Variants in UXS1 observed in about 807,000 individuals in gnomAD.
UXS1 encodes UDP-glucuronic acid decarboxylase 1.
UXS1 carries 33 observed loss-of-function variants against 62.6 expected under a neutral mutation model. That is an observed-to-expected ratio of 0.53 (90% CI 0.40 to 0.70). The LOEUF (loss-of-function observed/expected upper bound fraction) is 0.70. UXS1 is among the 30% of genes least tolerant of loss of function. The pLI is 0.00. For synonymous variants in UXS1, 213 were observed against 206.8 expected, an observed-to-expected ratio of 1.03 and a Z score of -0.26; for missense variants, 434 against 556.3, an observed-to-expected ratio of 0.78 and a Z score of 2.21.
chr2:106,096,183 G>GGT lies in UXS1; in HGVS notation c.1146+533_1146+534dup, dbSNP rs61524060. On this transcript the variant is annotated intron_variant, in intron 14 of 14. Coordinates refer to ENST00000283148, the MANE Select transcript of UXS1 (RefSeq NM_001253875.2). ...CCTTGGCACAGCGTTCACAGTCAGG[G>GGT]GTGTGTGTGTGTGTGTGTGTGTATG... Among the ~76,000 whole-genome samples the GGT allele has an allele frequency of 1.5e-3, 232 of 151,806 alleles. 1 individual carries two copies. The highest frequency in any genetic ancestry group is 4.9e-3 in the African/African-American group (204 of 41,462).
intron 6 of UXS1, among the ~76,000 whole-genome samples, chr2:106,136,420 C>T (rs1680642412): frequency 7.2e-6 from 1 of 139,368 alleles, no homozygotes; most frequent in South Asian, 2.5e-4. Context: ...GGGTATATAC[C>T]CAAATGACTA....
At chr2:106,097,265 C>T (rs1416061349) in intron 13 of UXS1, 3 of 453,418 alleles carry the variant, frequency 6.6e-6, no homozygotes, top group South Asian at 1.6e-5. Flanking sequence ...GGAGCCTAGA[C>T]AGCCCTGAGA....
chr2:106,143,063 T>A (rs1258760270), intron 6 of UXS1, among the ~76,000 whole-genome samples: 1 of 152,002 alleles, frequency 6.6e-6, no homozygotes, highest in African/African-American at 2.4e-5. Context: ...TTCTGGCTTC[T>A]CAGTGGTACT....
intron 1 of UXS1, among the ~76,000 whole-genome samples, chr2:106,168,930 G>C (rs1683373232): frequency 6.6e-6 from 1 of 152,110 alleles, no homozygotes. Context: ...GAGTTTAAAT[G>C]GTGACATGAG....
chr2:106,142,680 G>A (rs1681213736), intron 6 of UXS1, among the ~76,000 whole-genome samples: 2 of 152,316 alleles, frequency 1.3e-5, no homozygotes, highest in South Asian at 4.1e-4. Flanking sequence ...AGAGTGAAGA[G>A]ATGGAGGGCA....
intron 1 of UXS1, among the ~76,000 whole-genome samples, chr2:106,193,057 C>A (rs1685030791): frequency 6.6e-6 from 1 of 152,164 alleles, no homozygotes; most frequent in Admixed American, 6.5e-5. Context: ...TGAAACCTCC[C>A]CTAGCAACCC....
At chr2:106,172,139 G>A (rs2105080175) in intron 1 of UXS1, among the ~76,000 whole-genome samples, 1 of 152,386 alleles carries the variant, frequency 6.6e-6, no homozygotes, top group East Asian at 1.9e-4. Context: ...TGGGGTCTGT[G>A]ATGGAAATGC....
intron 1 of UXS1, among the ~76,000 whole-genome samples, chr2:106,191,552 CA>C (rs1684936494): frequency 6.6e-6 from 1 of 152,254 alleles, no homozygotes; most frequent in African/African-American, 2.4e-5. Context: ...TAAAATCAAC[CA>C]TGTCGTGGGC....
intron 10 of UXS1, among the ~76,000 whole-genome samples, chr2:106,105,879 G>A (rs1678021756): frequency 1.3e-5 from 2 of 152,128 alleles, no homozygotes; most frequent in Non-Finnish European, 2.9e-5. Flanking sequence ...TGGGAAGAAG[G>A]GACTGCCTTT....
chr2:106,139,031 C>T (rs755302284), intron 6 of UXS1: 8 of 295,756 alleles, frequency 2.7e-5, no homozygotes, highest in East Asian at 1.7e-4. Flanking sequence ...CAACCGGCTT[C>T]GGAATATAAA....
chr2:106,149,678 A>T (rs1379748196), intron 5 of UXS1, among the ~76,000 whole-genome samples: 1 of 152,238 alleles, frequency 6.6e-6, no homozygotes, highest in African/African-American at 2.4e-5. Flanking sequence ...TAGCAGCACA[A>T]AAAGGACTAG....
At chr2:106,194,126 C>T (rs1382491351) in intron 1 of UXS1, 22 bp downstream of exon 1, 2 of 1,462,170 alleles carry the variant, frequency 1.4e-6, no homozygotes, top group African/African-American at 1.5e-5. Flanking sequence ...GGCTCCCCAG[C>T]TGGCAGCGGG....
intron 6 of UXS1, chr2:106,138,573 G>A: frequency 5.1e-6 from 5 of 985,474 alleles, no homozygotes; most frequent in Non-Finnish European, 6.0e-6. Context: ...GCCAGTTTGG[G>A]AACAGGGCTC....
chr2:106,163,777 T>C, intron 3 of UXS1, 67 bp from the exon 4 acceptor site: 2 of 1,058,464 alleles, frequency 1.9e-6, no homozygotes, highest in Non-Finnish European at 2.6e-6. Flanking sequence ...TTCACCCCAT[T>C]CTGATGTTTC....
At chr2:106,146,457 G>T (rs1681573384) in intron 5 of UXS1, among the ~76,000 whole-genome samples, 1 of 152,176 alleles carries the variant, frequency 6.6e-6, no homozygotes. Context: ...CACACACGAT[G>T]AAGTATTCAC....
At chr2:106,173,797 T>C (rs13015630) in intron 1 of UXS1, among the ~76,000 whole-genome samples, 52,134 of 152,112 alleles carry the variant, frequency 0.34, 9,482 homozygotes, top group Non-Finnish European at 0.4. Context: ...TTTCAACCAT[T>C]TAAGAATTGT....
At chr2:106,107,557 A>G (rs1037429763) in intron 10 of UXS1, among the ~76,000 whole-genome samples, 3 of 152,238 alleles carry the variant, frequency 2.0e-5, no homozygotes, top group African/African-American at 7.2e-5. Context: ...CAGGATGTGA[A>G]GAACCACGCC....
chr2:106,094,037 G>A lies in UXS1; in HGVS notation c.1267C>T (p.Arg423Cys). Residue 423 changes from arginine to cysteine, a missense_variant, in exon 15 of 15, where the codon CGC becomes TGC. Coordinates refer to ENST00000283148, the MANE Select transcript of UXS1 (RefSeq NM_001253875.2). ...TAAAAGTGAGGAGTTCAGCTGTGGCGAGTCCGTCCTTTCTTTATTCTGGCA... is the reference window on the plus strand; with the variant it reads ...TAAAAGTGAGGAGTTCAGCTGTGGCAAGTCCGTCCTTTCTTTATTCTGGCA... ...KPARIKKGRT[R>C]HS 3 of 1,611,916 alleles carry A rather than the reference G, an allele frequency of 1.9e-6. No homozygotes were observed. Among genetic ancestry groups the A allele is most frequent in the Non-Finnish European group, 1.7e-6 (2 of 1,179,408 alleles).
intron 5 of UXS1, among the ~76,000 whole-genome samples, chr2:106,156,386 A>T (rs1207623824): frequency 6.6e-6 from 1 of 152,208 alleles, no homozygotes. Flanking sequence ...ACAGACAATA[A>T]GAAGTGGCGT....
Sources: gnomAD v4.1 joint callset for allele counts (sites outside exome capture counted in the v4.1 genomes callset) on GRCh38, gnomAD v4.1.1 for gene constraint, MANE v1.5 for transcripts, NCBI Gene and HGNC (gene_info 2026-07-23, HGNC 2026-07-21) for gene names.